SPON1: variants seen among roughly 807,000 people sequenced by gnomAD.
SPON1 encodes spondin 1, also known as spondin-1.
SPON1 carries 52 observed loss-of-function variants against 111.7 expected under a neutral mutation model. The ratio of observed to expected loss-of-function variants is 0.47; its 90% CI spans 0.37 to 0.59. The LOEUF (loss-of-function observed/expected upper bound fraction) is 0.59, where lower values mean the gene tolerates loss of function less well. SPON1 is among the 20% of genes least tolerant of loss of function. The probability of loss-of-function intolerance (pLI) is 0.00; values close to 1 mark genes in which losing one functional copy is unlikely to be tolerated. For synonymous variants in SPON1, 410 were observed against 395.8 expected, an observed-to-expected ratio of 1.04 and a Z score of -0.43; for missense variants, 957 against 1,068.5, an observed-to-expected ratio of 0.90 and a Z score of 1.46.
intron 6 of SPON1, among the ~76,000 whole-genome samples, chr11:14,145,859 A>C (rs1591388347): frequency 6.6e-6 from 1 of 152,170 alleles, no homozygotes; most frequent in East Asian, 1.9e-4. Context: ...AGAATAAGGC[A>C]GATTTGTGTG....
At chr11:14,163,333 G>A (rs1554931570) in intron 6 of SPON1, among the ~76,000 whole-genome samples, 1 of 152,176 alleles carries the variant, frequency 6.6e-6, no homozygotes, top group African/African-American at 2.4e-5. Flanking sequence ...TCAAGTCCAG[G>A]TCATGAGCAT....
chr11:14,129,403 A>G (rs1847501270), intron 5 of SPON1, among the ~76,000 whole-genome samples: 1 of 152,228 alleles, frequency 6.6e-6, no homozygotes, highest in African/African-American at 2.4e-5. Flanking sequence ...TCTAGAGCAG[A>G]AGAAAAATGC....
chr11:14,160,903 A>ATT (rs1847932966), intron 6 of SPON1, among the ~76,000 whole-genome samples: 1 of 54,600 alleles, frequency 1.8e-5, no homozygotes, highest in Non-Finnish European at 3.0e-5. Context: ...ATATTTATAT[A>ATT]TTTATATATA....
At chr11:14,115,066 A>C (rs1279372703) in intron 5 of SPON1, among the ~76,000 whole-genome samples, 3 of 152,110 alleles carry the variant, frequency 2.0e-5, no homozygotes, top group Non-Finnish European at 4.4e-5. Context: ...CTGGGGTAAC[A>C]TGTGTCCTCC....
chr11:14,044,295 A>G (rs944414160), intron 3 of SPON1, among the ~76,000 whole-genome samples: 1 of 152,228 alleles, frequency 6.6e-6, no homozygotes, highest in South Asian at 2.1e-4. Flanking sequence ...AGAAAAATAC[A>G]GAATAAAGAA....
intron 6 of SPON1, among the ~76,000 whole-genome samples, chr11:14,188,617 G>T: frequency 6.6e-6 from 1 of 152,172 alleles, no homozygotes; most frequent in Non-Finnish European, 1.5e-5. Flanking sequence ...TATCTCAGGT[G>T]TATCATTGTT....
At chr11:14,189,208 A>T (rs1424044828) in intron 6 of SPON1, among the ~76,000 whole-genome samples, 1 of 152,238 alleles carries the variant, frequency 6.6e-6, no homozygotes, top group African/African-American at 2.4e-5. Flanking sequence ...GCAGAGTCCC[A>T]CTGCAGTCTG....
chr11:14,049,001 C>G (rs370514918), intron 3 of SPON1, among the ~76,000 whole-genome samples: 1 of 152,310 alleles, frequency 6.6e-6, no homozygotes, highest in African/African-American at 2.4e-5. Flanking sequence ...AAGAGCCAGG[C>G]ACTGTTCTGG....
At chr11:14,203,963 C>T (rs1848490079) in intron 6 of SPON1, among the ~76,000 whole-genome samples, 2 of 152,194 alleles carry the variant, frequency 1.3e-5, no homozygotes, top group Admixed American at 6.5e-5. Context: ...GTCCAAAATC[C>T]ATAATGCTCA....
intron 6 of SPON1, among the ~76,000 whole-genome samples, chr11:14,189,634 C>T (rs1848323672): frequency 6.6e-6 from 1 of 152,174 alleles, no homozygotes; most frequent in African/African-American, 2.4e-5. Context: ...CCGATTGTCT[C>T]CAACGCAGTT....
At chr11:14,113,675 T>A (rs1260510961) in intron 5 of SPON1, among the ~76,000 whole-genome samples, 1 of 132,918 alleles carries the variant, frequency 7.5e-6, no homozygotes, top group Non-Finnish European at 1.6e-5. Flanking sequence ...CGATCTCGGC[T>A]CACTGCAAGC....
At chr11:14,049,744 A>T (rs968606305) in intron 3 of SPON1, among the ~76,000 whole-genome samples, 4 of 152,220 alleles carry the variant, frequency 2.6e-5, no homozygotes, top group East Asian at 3.9e-4. Context: ...GAAAGCTCTA[A>T]AATCCAAAAG....
intron 6 of SPON1, among the ~76,000 whole-genome samples, chr11:14,210,909 T>C (rs1477327652): frequency 6.6e-6 from 1 of 152,214 alleles, no homozygotes; most frequent in Non-Finnish European, 1.5e-5. Context: ...GATCAGATTG[T>C]TGTAGATGTG....
chr11:14,174,867 A>T (rs1848156569), intron 6 of SPON1, among the ~76,000 whole-genome samples: 1 of 152,128 alleles, frequency 6.6e-6, no homozygotes. Context: ...TTATTACCTG[A>T]CTTTATCCAT....
At chr11:13,990,040 C>A (rs2463815) in intron 2 of SPON1, among the ~76,000 whole-genome samples, 2 of 152,306 alleles carry the variant, frequency 1.3e-5, no homozygotes, top group Admixed American at 6.5e-5. Flanking sequence ...GGGGTGGAGA[C>A]TTCTGTAGAT....
chr11:14,022,835 C>T (rs782803127), intron 2 of SPON1, among the ~76,000 whole-genome samples: 2 of 152,180 alleles, frequency 1.3e-5, no homozygotes, highest in Non-Finnish European at 2.9e-5. Context: ...ATCCAAAGAA[C>T]GCTTTGAGTT....
chr11:14,182,721 C>CCTTTT (rs1200132419), intron 6 of SPON1, among the ~76,000 whole-genome samples: 5 of 152,188 alleles, frequency 3.3e-5, no homozygotes, highest in African/African-American at 1.2e-4. Flanking sequence ...ATAAAAGGCT[C>CCTTTT]CTTTTTCTAA....
In SPON1 at chr11:13,999,372, T is replaced by C. The variant is rs144866513; in HGVS notation, c.345+16419T>C. ...TCCATGAGATACAGTCCCATGTTTC[T>C]GGATCAAAGAGTTTTTAGGCTCTTG... On this transcript the variant is annotated intron_variant, in intron 2 of 15. Transcript: ENST00000576479. Among the ~76,000 whole-genome samples the C allele has an allele frequency of 2.5e-3, 388 of 152,160 alleles. 5 individuals are homozygous for C. The Middle Eastern group carries it at 0.027, about 11-fold the overall frequency.
chr11:14,208,319 A>G lies in SPON1; in HGVS notation c.826-35013A>G, dbSNP rs145749722. Among the ~76,000 whole-genome samples the G allele has an allele frequency of 4.0e-3, 612 of 152,278 alleles. 1 individual carries two copies. The highest frequency in any genetic ancestry group is 7.5e-3 in the African/African-American group (313 of 41,566). On this transcript the variant is annotated intron_variant, in intron 6 of 15. Coordinates refer to ENST00000576479, the MANE Select transcript of SPON1 (RefSeq NM_006108.4). ...AAACGCCAGTGACACAAGTTTACCTATGTAACAAACCTGCACATGTACCCC... is the reference window on the plus strand; with the variant it reads ...AAACGCCAGTGACACAAGTTTACCTGTGTAACAAACCTGCACATGTACCCC...
Sources: allele counts gnomAD v4.1 joint callset (sites outside exome capture counted in the v4.1 genomes callset), GRCh38; gene constraint gnomAD v4.1.1; transcripts MANE v1.5; gene names NCBI Gene and HGNC (gene_info 2026-07-23, HGNC 2026-07-21).